Variants in RBMS1 observed in about 807,000 individuals in gnomAD.
RBMS1 encodes the protein RNA-binding motif, single-stranded-interacting protein 1.
Under a neutral mutation model 62.3 loss-of-function variants are expected in RBMS1, and 17 were observed. That is an observed-to-expected ratio of 0.27 (90% CI 0.19 to 0.41). The LOEUF (loss-of-function observed/expected upper bound fraction) is 0.41, where lower values mean the gene tolerates loss of function less well. Ranked by LOEUF, RBMS1 falls within the 10% of genes least tolerant of loss-of-function variation. The probability of loss-of-function intolerance (pLI) is 1.00; values close to 1 mark genes in which losing one functional copy is unlikely to be tolerated. For synonymous variants in RBMS1, 172 were observed against 170.0 expected, an observed-to-expected ratio of 1.01 and a Z score of -0.09; for missense variants, 334 against 504.5, an observed-to-expected ratio of 0.66 and a Z score of 3.24.
intron 1 of RBMS1, among the ~76,000 whole-genome samples, chr2:160,428,503 A>AAAG (rs201505481): frequency 5.6e-5 from 8 of 144,004 alleles, no homozygotes; most frequent in South Asian, 2.2e-4. Flanking sequence ...TAGAGCTTTA[A>AAAG]AAGAAGAAGA....
chr2:160,406,327 GACA>G (rs1221244402), intron 1 of RBMS1, among the ~76,000 whole-genome samples: 5 of 152,246 alleles, frequency 3.3e-5, no homozygotes, highest in South Asian at 4.1e-4. Flanking sequence ...TGACTCTGAC[GACA>G]ACAAGACCTA....
chr2:160,312,597 T>C (rs1689988582), intron 4 of RBMS1, among the ~76,000 whole-genome samples: 1 of 152,176 alleles, frequency 6.6e-6, no homozygotes, highest in South Asian at 2.1e-4. Flanking sequence ...AAAAAGTAGA[T>C]TTATATACCA....
intron 1 of RBMS1, among the ~76,000 whole-genome samples, chr2:160,371,455 T>G (rs1449463505): frequency 3.3e-5 from 5 of 152,340 alleles, no homozygotes; most frequent in African/African-American, 1.2e-4. Flanking sequence ...AAGAGCCTAG[T>G]AGTCTCTCAG....
chr2:160,446,470 G>A (rs574581645), intron 1 of RBMS1, among the ~76,000 whole-genome samples: 65 of 152,264 alleles, frequency 4.3e-4, no homozygotes, highest in African/African-American at 1.5e-3. Context: ...TTTTACTTGC[G>A]ATCCTTTCTG....
intron 1 of RBMS1, among the ~76,000 whole-genome samples, chr2:160,444,123 G>T (rs1055865828): frequency 3.3e-5 from 5 of 152,082 alleles, no homozygotes; most frequent in African/African-American, 1.2e-4. Flanking sequence ...GTTTTTTATT[G>T]TACAGGTAGA....
chr2:160,378,724 A>C (rs753162914), intron 1 of RBMS1, among the ~76,000 whole-genome samples: 28 of 152,272 alleles, frequency 1.8e-4, no homozygotes, highest in Non-Finnish European at 3.2e-4. Context: ...AATCACTAGA[A>C]TTGCCTACCC....
chr2:160,324,016 T>G lies in RBMS1; in HGVS notation c.252-5789A>C, dbSNP rs536106806. Among the ~76,000 whole-genome samples, 20 of 152,360 alleles carry G rather than the reference T, an allele frequency of 1.3e-4. No individual in the cohort carries two copies. The East Asian group carries it at 3.9e-3, about 29-fold the overall frequency. ...TATATCTCAGTTTGCACTTAGTATA[T>G]AAAGCTTAATTTTCTCCTCTGCCTC... On this transcript the variant is annotated intron_variant, in intron 2 of 13. Coordinates refer to ENST00000348849, the MANE Select transcript of RBMS1 (RefSeq NM_016836.4).
chr2:160,305,158 G>T (rs1325931513), intron 4 of RBMS1, among the ~76,000 whole-genome samples: 2 of 152,134 alleles, frequency 1.3e-5, no homozygotes, highest in Non-Finnish European at 2.9e-5. Context: ...TGGCCAGAAA[G>T]AAATTTTTTA....
chr2:160,492,615 T>C (rs1315090960), intron 1 of RBMS1, among the ~76,000 whole-genome samples: 1 of 152,202 alleles, frequency 6.6e-6, no homozygotes, highest in Non-Finnish European at 1.5e-5. Flanking sequence ...CTCTAGAGAT[T>C]AGAAGGGACA....
intron 1 of RBMS1, among the ~76,000 whole-genome samples, chr2:160,468,538 C>CA (rs1464222653): frequency 1.3e-5 from 2 of 152,106 alleles, no homozygotes; most frequent in Non-Finnish European, 2.9e-5. Flanking sequence ...TCAATTTCAA[C>CA]AAAAAACATA....
intron 1 of RBMS1, among the ~76,000 whole-genome samples, chr2:160,395,709 A>G (rs1695105609): frequency 6.6e-6 from 1 of 152,148 alleles, no homozygotes; most frequent in South Asian, 2.1e-4. Context: ...CAGAAACTGT[A>G]ATAACATCTC....
intron 2 of RBMS1, among the ~76,000 whole-genome samples, chr2:160,355,405 G>C (rs1326667283): frequency 6.6e-6 from 1 of 152,078 alleles, no homozygotes; most frequent in Non-Finnish European, 1.5e-5. Context: ...CCTGAGAGTA[G>C]ATGAGAATTT....
intron 2 of RBMS1, among the ~76,000 whole-genome samples, chr2:160,319,249 C>T (rs1690408865): frequency 6.6e-6 from 1 of 152,304 alleles, no homozygotes; most frequent in Non-Finnish European, 1.5e-5. Context: ...CGGTGGCTCA[C>T]ACCTGTAATC....
At chr2:160,450,022 T>C (rs1435430562) in intron 1 of RBMS1, among the ~76,000 whole-genome samples, 1 of 152,014 alleles carries the variant, frequency 6.6e-6, no homozygotes, top group South Asian at 2.1e-4. Context: ...CCACCCTCCT[T>C]CTTTTGCAGA....
chr2:160,359,788 AT>A (rs1693023661), intron 2 of RBMS1, among the ~76,000 whole-genome samples: 1 of 152,208 alleles, frequency 6.6e-6, no homozygotes. Context: ...AGCGATGATT[AT>A]TTAATTTCAG....
At chr2:160,300,784 T>C in intron 5 of RBMS1, 54 bp from the exon 6 acceptor site, 4 of 1,464,508 alleles carry the variant, frequency 2.7e-6, no homozygotes, top group Non-Finnish European at 3.6e-6. Context: ...TTAACTTTCA[T>C]CTTGTTCGGT....
At chr2:160,465,736 T>G (rs979424501) in intron 1 of RBMS1, among the ~76,000 whole-genome samples, 3 of 152,014 alleles carry the variant, frequency 2.0e-5, no homozygotes, top group Non-Finnish European at 4.4e-5. Flanking sequence ...GCTCATCAGA[T>G]TACGAAACTG....
chr2:160,474,079 T>G (rs1685033581), intron 1 of RBMS1, among the ~76,000 whole-genome samples: 1 of 152,126 alleles, frequency 6.6e-6, no homozygotes, highest in Non-Finnish European at 1.5e-5. Flanking sequence ...GTTATTACCA[T>G]CTCAAGAACT....
rs1688626012 is a variant in RBMS1, at chr2:160,290,577, C to T, written c.641-3493G>A. 2.6e-5 allele frequency among the ~76,000 whole-genome samples: 4 copies of T among 152,120 alleles called. No homozygotes were observed. The South Asian group carries it at 8.3e-4, about 32-fold the overall frequency. On this transcript the variant is annotated intron_variant, in intron 6 of 13. Transcript: ENST00000348849. ...TGCAGAGCATTCTAGGTTAAATTTC[C>T]CCTTAATTAGTTGTGATCTTTTGGG... is the stretch of plus-strand genomic sequence containing the variant.
Sources: gnomAD v4.1 joint callset for allele counts (sites outside exome capture counted in the v4.1 genomes callset) on GRCh38, gnomAD v4.1.1 for gene constraint, MANE v1.5 for transcripts, NCBI Gene and HGNC (gene_info 2026-07-23, HGNC 2026-07-21) for gene names.